Variants in NELL1 observed in about 807,000 individuals in gnomAD.
The protein encoded by NELL1 is protein kinase C-binding protein NELL1.
Under a neutral mutation model 107.4 loss-of-function variants are expected in NELL1, and 76 were observed. The observed-to-expected ratio is 0.71, with a 90% CI of 0.59 to 0.86. The LOEUF (loss-of-function observed/expected upper bound fraction) is 0.86, where lower values mean the gene tolerates loss of function less well. Ranked by LOEUF, NELL1 falls within the 40% of genes least tolerant of loss-of-function variation. The pLI, the probability that NELL1 is intolerant of heterozygous loss-of-function variation, is 0.00. For missense variants in NELL1, 1,024 were observed against 1,005.5 expected (o/e 1.02, Z -0.25); for synonymous variants, 353 against 341.2 (o/e 1.03, Z -0.38).
At chr11:21,002,289 T>C (rs992001345) in intron 12 of NELL1, among the ~76,000 whole-genome samples, 1 of 152,234 alleles carries the variant, frequency 6.6e-6, no homozygotes, top group Non-Finnish European at 1.5e-5. Flanking sequence ...AAGAATATAT[T>C]ATAACAGTTA....
chr11:21,145,174 G>T (rs1855950684), intron 13 of NELL1, among the ~76,000 whole-genome samples: 1 of 152,148 alleles, frequency 6.6e-6, no homozygotes, highest in African/African-American at 2.4e-5. Flanking sequence ...ACACAAGGCA[G>T]TGTTTCGTAT....
intron 12 of NELL1, among the ~76,000 whole-genome samples, chr11:20,981,441 G>A (rs1175715823): frequency 4.6e-5 from 7 of 152,070 alleles, no homozygotes; most frequent in African/African-American, 1.7e-4. Context: ...TTGAAAAGTT[G>A]ACTATATCTA....
rs114205127 is a variant in NELL1 at position 21,539,052 on chromosome 11, C to G, written c.1786+4538C>G. Among the ~76,000 whole-genome samples the G allele has an allele frequency of 2.5e-3, 373 of 152,182 alleles. 1 individual carries two copies. The highest frequency in any genetic ancestry group is 8.7e-3 in the African/African-American group (361 of 41,532). ...GTTAAAATCCTGATGAAGTCTTACT[C>G]TGTAAAGCAGGGATTCTCAAAACTG... On this transcript the variant is annotated intron_variant, in intron 16 of 19. Coordinates refer to ENST00000357134, the MANE Select transcript of NELL1 (RefSeq NM_006157.5).
At chr11:20,696,022 C>A (rs1480488350) in intron 2 of NELL1, among the ~76,000 whole-genome samples, 1 of 151,980 alleles carries the variant, frequency 6.6e-6, no homozygotes, top group Non-Finnish European at 1.5e-5. Context: ...TTACGTGTTT[C>A]CAGGAATTTA....
At chr11:20,709,391 T>C (rs993239924) in intron 2 of NELL1, among the ~76,000 whole-genome samples, 2 of 152,248 alleles carry the variant, frequency 1.3e-5, no homozygotes, top group Non-Finnish European at 1.5e-5. Flanking sequence ...TCTGTTCCAT[T>C]GGTCTATGTG....
At chr11:21,530,572 A>G (rs1855967983) in intron 15 of NELL1, among the ~76,000 whole-genome samples, 1 of 152,060 alleles carries the variant, frequency 6.6e-6, no homozygotes, top group South Asian at 2.1e-4. Context: ...ACAATTATAG[A>G]AATTGTTATA....
intron 3 of NELL1, among the ~76,000 whole-genome samples, chr11:20,836,481 A>G (rs540594620): frequency 2.0e-5 from 3 of 152,276 alleles, no homozygotes; most frequent in Non-Finnish European, 4.4e-5. Flanking sequence ...ATGTATTTTC[A>G]CAAAAAATCC....
intron 14 of NELL1, among the ~76,000 whole-genome samples, chr11:21,311,766 G>T (rs1490682159): frequency 6.6e-6 from 1 of 152,020 alleles, no homozygotes; most frequent in African/African-American, 2.4e-5. Context: ...TTTACATATT[G>T]TCTCAGTTAA....
At position 20,750,210 on chromosome 11, in the gene NELL1, G is replaced by A. The variant is rs1411124996; in HGVS notation, c.185-33470G>A. 2.6e-5 allele frequency among the ~76,000 whole-genome samples: 4 copies of A among 152,106 alleles called. 1 individual carries two copies. The highest frequency in any genetic ancestry group is 6.8e-3 in the Middle Eastern group (2 of 294). On this transcript the variant is annotated intron_variant, in intron 2 of 19. Transcript: ENST00000357134. ...CTAATGATGTTTAGCATCTTTTCAC[G>A]TGTGTTTTGTTTTTATTCCTATGTC...
At chr11:21,333,904 A>G (rs1049048318) in intron 14 of NELL1, among the ~76,000 whole-genome samples, 13 of 152,044 alleles carry the variant, frequency 8.6e-5, no homozygotes, top group African/African-American at 3.1e-4. Context: ...CTGAATTGAA[A>G]TTCCTTTTTC....
At chr11:20,875,139 T>A (rs1849278234) in intron 4 of NELL1, among the ~76,000 whole-genome samples, 1 of 152,218 alleles carries the variant, frequency 6.6e-6, no homozygotes, top group Non-Finnish European at 1.5e-5. Context: ...TGACAGCTGA[T>A]CTTAGCTCGC....
chr11:21,461,660 T>C (rs999047957), intron 15 of NELL1, among the ~76,000 whole-genome samples: 1 of 152,062 alleles, frequency 6.6e-6, no homozygotes, highest in African/African-American at 2.4e-5. Context: ...GCCAGTATTA[T>C]CATCAACACC....
At chr11:20,872,197 A>G (rs1446633294) in intron 4 of NELL1, among the ~76,000 whole-genome samples, 6 of 127,786 alleles carry the variant, frequency 4.7e-5, no homozygotes, top group African/African-American at 1.8e-4. Flanking sequence ...TTTTGGAGAC[A>G]TGGTCTCACT....
At chr11:21,407,895 C>T (rs1852273951) in intron 15 of NELL1, among the ~76,000 whole-genome samples, 1 of 151,850 alleles carries the variant, frequency 6.6e-6, no homozygotes, top group Non-Finnish European at 1.5e-5. Context: ...TGGTCCATTT[C>T]AAATACTCTC....
chr11:21,507,599 C>T (rs938217957), intron 15 of NELL1, among the ~76,000 whole-genome samples: 1 of 151,168 alleles, frequency 6.6e-6, no homozygotes, highest in Non-Finnish European at 1.5e-5. Context: ...ATTTTGTGAG[C>T]ATAGAAGAAA....
At chr11:20,874,259 G>A (rs1000184404) in intron 4 of NELL1, among the ~76,000 whole-genome samples, 6 of 152,140 alleles carry the variant, frequency 3.9e-5, no homozygotes, top group African/African-American at 1.2e-4. Flanking sequence ...GTAGAGTCGA[G>A]GTTTCATCAT....
chr11:21,148,318 C>G (rs548403554), intron 13 of NELL1, among the ~76,000 whole-genome samples: 2 of 152,254 alleles, frequency 1.3e-5, no homozygotes, highest in African/African-American at 4.8e-5. Context: ...ACAACCTCAC[C>G]TGGCCCTGCA....
At chr11:21,316,857 G>C (rs938278117) in intron 14 of NELL1, among the ~76,000 whole-genome samples, 1 of 152,098 alleles carries the variant, frequency 6.6e-6, no homozygotes, top group Non-Finnish European at 1.5e-5. Flanking sequence ...GGAAGAGGCA[G>C]GGAAAGGGGT....
intron 15 of NELL1, among the ~76,000 whole-genome samples, chr11:21,486,146 G>A (rs1258145295): frequency 2.6e-5 from 4 of 152,010 alleles, no homozygotes; most frequent in South Asian, 2.1e-4. Flanking sequence ...CAACATCCAA[G>A]CAAGCTACCT....
Sources: gnomAD v4.1 joint callset for allele counts (sites outside exome capture counted in the v4.1 genomes callset) on GRCh38, gnomAD v4.1.1 for gene constraint, MANE v1.5 for transcripts, NCBI Gene and HGNC (gene_info 2026-07-23, HGNC 2026-07-21) for gene names.